CELF2: variants seen among roughly 807,000 people sequenced by gnomAD.
The protein encoded by CELF2 is CUGBP Elav-like family member 2.
A neutral mutation model predicts 62.6 loss-of-function variants in CELF2; 8 were observed. The ratio of observed to expected loss-of-function variants is 0.13; its 90% CI spans 0.07 to 0.23. The LOEUF (loss-of-function observed/expected upper bound fraction) is 0.23, where lower values mean the gene tolerates loss of function less well. Ranked by LOEUF, CELF2 falls within the 10% of genes least tolerant of loss-of-function variation. CELF2 has a pLI of 1.00. For missense variants in CELF2, 333 were observed against 671.0 expected (o/e 0.50, Z 5.56); for synonymous variants, 258 against 250.0 (o/e 1.03, Z -0.30).
At chr10:10,829,901 A>T (rs1396733865) in intron 1 of CELF2, among the ~76,000 whole-genome samples, 1 of 152,098 alleles carries the variant, frequency 6.6e-6, no homozygotes, top group African/African-American at 2.4e-5. Context: ...AAATTTTTGG[A>T]ACTGATGTCA....
At chr10:10,923,850 A>G (rs1334194182) in intron 2 of CELF2, 1 of 152,190 alleles carries the variant, frequency 6.6e-6, no homozygotes, top group Non-Finnish European at 1.5e-5. Context: ...GAAAACAATC[A>G]TTTTCAATCT....
chr10:11,281,223 A>G (rs1190589091), intron 8 of CELF2, among the ~76,000 whole-genome samples: 1 of 152,130 alleles, frequency 6.6e-6, no homozygotes, highest in Non-Finnish European at 1.5e-5. Context: ...CACCAAACAC[A>G]TTTTGCATGC....
rs188531010 is a variant in CELF2, at chr10:11,242,075, C to T, written c.355-7078C>T. ...TTTCTCAGTTGGCACATAGCTCTTTCGTGAATTCACTTCTTTCCATCCCCT... is the reference window on the plus strand; with the variant it reads ...TTTCTCAGTTGGCACATAGCTCTTTTGTGAATTCACTTCTTTCCATCCCCT... On this transcript the variant is annotated intron_variant, in intron 3 of 12. Coordinates refer to ENST00000633077, the MANE Select transcript of CELF2 (RefSeq NM_001326342.2). The surrounding 1 kb of genome is among the most constrained non-coding windows in gnomAD (Gnocchi z 4.8). 1.4e-4 allele frequency among the ~76,000 whole-genome samples: 21 copies of T among 152,230 alleles called. No individual in the cohort carries two copies. Among genetic ancestry groups the T allele is most frequent in the Admixed American group, 5.9e-4 (9 of 15,302 alleles).
At chr10:10,747,544 G>C in the CELF2 span, among the ~76,000 whole-genome samples, 2 of 152,132 alleles carry the variant, frequency 1.3e-5, no homozygotes, top group African/African-American at 4.8e-5. Flanking sequence ...GAGCAGCTGA[G>C]GGAAAGCGGG....
chr10:10,625,392 A>G, the CELF2 span, among the ~76,000 whole-genome samples: 17 of 152,300 alleles, frequency 1.1e-4, no homozygotes, highest in African/African-American at 3.8e-4. Flanking sequence ...ACCTTTTATA[A>G]CGTACTTTAG....
chr10:10,747,932 G>C, the CELF2 span, among the ~76,000 whole-genome samples: 6 of 152,150 alleles, frequency 3.9e-5, no homozygotes, highest in Admixed American at 2.0e-4. Flanking sequence ...AACAGCCACT[G>C]TGCCCAGCCG....
the CELF2 span, among the ~76,000 whole-genome samples, chr10:10,692,424 G>C: frequency 6.7e-6 from 1 of 149,132 alleles, no homozygotes. Context: ...TTGTAGTATA[G>C]TTTGAAGTCA....
chr10:10,587,127 T>C, the CELF2 span, among the ~76,000 whole-genome samples: 70 of 152,260 alleles, frequency 4.6e-4, no homozygotes, highest in African/African-American at 1.5e-3. Flanking sequence ...GTCATGCTAC[T>C]ATTTGGTGAA....
rs1199849591 is a variant in CELF2, at chr10:11,319,134, T to A, written c.1097-2055T>A. Reference sequence around the variant, plus strand: ...CCGCTCCTCTCCCGCCAGAATTTCCTCCACACGGGCATCTGCATTTCCAGA... The same window carrying A: ...CCGCTCCTCTCCCGCCAGAATTTCCACCACACGGGCATCTGCATTTCCAGA... On this transcript the variant is annotated intron_variant, in intron 10 of 12. Coordinates refer to ENST00000633077, the MANE Select transcript of CELF2 (RefSeq NM_001326342.2). The surrounding 1 kb of genome is among the most constrained non-coding windows in gnomAD (Gnocchi z 4.4). The A allele has an allele frequency of 8.5e-6, 4 of 470,020 alleles. No individual in the cohort carries two copies. The highest frequency in any genetic ancestry group is 1.8e-5 in the Non-Finnish European group (4 of 226,828). 29.1% of individuals were successfully genotyped at this position (470,020 alleles called of 1,614,324 possible).
the CELF2 span, among the ~76,000 whole-genome samples, chr10:10,479,522 C>A: frequency 6.6e-6 from 1 of 152,114 alleles, no homozygotes. Context: ...CGATAAGTAT[C>A]GTGATGGTAA....
intron 1 of CELF2, among the ~76,000 whole-genome samples, chr10:10,844,062 G>C (rs1052708673): frequency 1.3e-5 from 2 of 151,922 alleles, no homozygotes; most frequent in South Asian, 4.2e-4. Flanking sequence ...GAATTCTCTT[G>C]GTGATATTTT....
chr10:10,991,476 G>C (rs1444523847), intron 2 of CELF2, among the ~76,000 whole-genome samples: 1 of 152,162 alleles, frequency 6.6e-6, no homozygotes, highest in African/African-American at 2.4e-5. Flanking sequence ...GAGAGCTTCA[G>C]ATGTGGTGTC....
chr10:10,659,376 A>G, the CELF2 span, among the ~76,000 whole-genome samples: 15 of 152,254 alleles, frequency 9.9e-5, no homozygotes, highest in Admixed American at 5.9e-4. Context: ...CAATATTTAA[A>G]GGAATTTCAA....
chr10:10,511,370 C>T, the CELF2 span, among the ~76,000 whole-genome samples: 4 of 152,156 alleles, frequency 2.6e-5, no homozygotes, highest in South Asian at 2.1e-4. Flanking sequence ...TGAGATCATG[C>T]CACTGCATTC....
At chr10:10,761,584 G>A in the CELF2 span, among the ~76,000 whole-genome samples, 3 of 152,206 alleles carry the variant, frequency 2.0e-5, no homozygotes, top group African/African-American at 7.2e-5. Context: ...TCAAATGTGG[G>A]TGGGCCTCAT....
chr10:11,194,980 A>G (rs1292476430), intron 2 of CELF2, among the ~76,000 whole-genome samples: 1 of 152,242 alleles, frequency 6.6e-6, no homozygotes, highest in African/African-American at 2.4e-5. Flanking sequence ...AATTTTTAAC[A>G]GGCAGCTTTT....
the CELF2 span, among the ~76,000 whole-genome samples, chr10:10,779,839 T>C: frequency 2.0e-5 from 3 of 151,754 alleles, no homozygotes. Context: ...TAAAATGAAC[T>C]CATTGGCCTG....
chr10:11,198,006 C>A (rs1319214826), intron 2 of CELF2, among the ~76,000 whole-genome samples: 1 of 152,184 alleles, frequency 6.6e-6, no homozygotes. Context: ...TAACCAGACC[C>A]CATATAACTG....
At chr10:11,173,277 C>T (rs759122609) in intron 2 of CELF2, among the ~76,000 whole-genome samples, 5 of 152,306 alleles carry the variant, frequency 3.3e-5, no homozygotes, top group South Asian at 2.1e-4. Flanking sequence ...AACAGGGTGA[C>T]GCTGTTAGTT....
Sources: gnomAD v4.1 joint callset for allele counts (sites outside exome capture counted in the v4.1 genomes callset) on GRCh38, gnomAD v4.1.1 for gene constraint, Gnocchi (gnomAD v3.1) non-coding constraint, MANE v1.5 for transcripts, NCBI Gene and HGNC (gene_info 2026-07-23, HGNC 2026-07-21) for gene names.